Variants in GPR158 observed in about 807,000 individuals in gnomAD.
GPR158 encodes the protein metabotropic glycine receptor.
A neutral mutation model predicts 78.2 loss-of-function variants in GPR158; 30 were observed. The observed-to-expected ratio is 0.38, with a 90% CI of 0.29 to 0.52. The LOEUF is 0.52. Ranked by LOEUF, GPR158 falls within the 20% of genes least tolerant of loss-of-function variation. The probability of loss-of-function intolerance (pLI) is 0.83; values close to 1 mark genes in which losing one functional copy is unlikely to be tolerated. For missense variants in GPR158, 1,463 were observed against 1,523.5 expected, an observed-to-expected ratio of 0.96 and a Z score of 0.66; for synonymous variants, 581 against 591.1, an observed-to-expected ratio of 0.98 and a Z score of 0.25.
At chr10:25,514,573 A>C (rs112511787) in intron 5 of GPR158, among the ~76,000 whole-genome samples, 6,426 of 152,052 alleles carry the variant, frequency 0.042, 276 homozygotes, top group African/African-American at 0.11. Flanking sequence ...TTGTTGCCCG[A>C]ATACCTTCTT....
At chr10:25,426,578 G>A (rs1466054720) in intron 4 of GPR158, among the ~76,000 whole-genome samples, 1 of 152,044 alleles carries the variant, frequency 6.6e-6, no homozygotes, top group Middle Eastern at 3.2e-3. Flanking sequence ...ATGGGGAGAG[G>A]TACAGGAGAA....
intron 2 of GPR158, among the ~76,000 whole-genome samples, chr10:25,289,263 A>G (rs1193320359): frequency 6.6e-6 from 1 of 152,128 alleles, no homozygotes; most frequent in African/African-American, 2.4e-5. Flanking sequence ...TGGGTCTAGT[A>G]TAGGTATTGA....
At chr10:25,564,591 G>T (rs1174850853) in intron 6 of GPR158, among the ~76,000 whole-genome samples, 1 of 152,130 alleles carries the variant, frequency 6.6e-6, no homozygotes, top group African/African-American at 2.4e-5. Context: ...CACCAACCAG[G>T]CCAAAATAAA....
At chr10:25,509,645 C>T (rs1836057627) in intron 5 of GPR158, among the ~76,000 whole-genome samples, 3 of 152,172 alleles carry the variant, frequency 2.0e-5, no homozygotes, top group Non-Finnish European at 2.9e-5. Flanking sequence ...AAAACATGCC[C>T]ATGTTCAAAG....
intron 5 of GPR158, among the ~76,000 whole-genome samples, chr10:25,486,039 T>C (rs1047794943): frequency 2.6e-5 from 4 of 152,120 alleles, no homozygotes; most frequent in African/African-American, 4.8e-5. Context: ...TGAGCCCTTG[T>C]CAGACACCAA....
intron 2 of GPR158, among the ~76,000 whole-genome samples, chr10:25,329,523 G>A (rs982880450): frequency 2.6e-5 from 4 of 151,070 alleles, no homozygotes; most frequent in African/African-American, 7.3e-5. Flanking sequence ...TTTATGATTT[G>A]GATTTGTTAA....
chr10:25,486,756 G>A (rs190706577), intron 5 of GPR158, among the ~76,000 whole-genome samples: 4 of 151,862 alleles, frequency 2.6e-5, no homozygotes, highest in African/African-American at 9.7e-5. Context: ...ACTATATGTG[G>A]TAAAGGAATG....
rs551878677 is a variant in GPR158 at position 25,526,312 on chromosome 10, A to G, written c.1405-24664A>G. ...AAGGAACTGCACTAGGTAGGGGGCT[A>G]CATTACCTACTCTTTTGCAGAGGGC... On this transcript the variant is annotated intron_variant, in intron 5 of 10. Coordinates refer to ENST00000376351, the MANE Select transcript of GPR158 (RefSeq NM_020752.3). Among the ~76,000 whole-genome samples the G allele has an allele frequency of 1.3e-4, 20 of 152,284 alleles. No individual in the cohort carries two copies. In the South Asian group the frequency reaches 3.9e-3, roughly 30 times the overall value.
intron 1 of GPR158, among the ~76,000 whole-genome samples, chr10:25,205,274 CT>C (rs59202198): frequency 0.13 from 16,552 of 128,222 alleles, 1,026 homozygotes; most frequent in Admixed American, 0.18. Flanking sequence ...TGGATCTTCT[CT>C]TTTTTTTTTT....
At chr10:25,423,457 A>T (rs912239457) in intron 4 of GPR158, among the ~76,000 whole-genome samples, 1 of 151,564 alleles carries the variant, frequency 6.6e-6, no homozygotes. Flanking sequence ...TTACATCTGT[A>T]TACATGTGCC....
chr10:25,221,194 G>T, intron 2 of GPR158, 37 bp downstream of exon 2: 2 of 1,024,932 alleles, frequency 2.0e-6, no homozygotes, highest in Middle Eastern at 2.1e-4. Context: ...TTAAGCTCAG[G>T]AATACATTAT....
At chr10:25,338,821 G>T (rs1855263609) in intron 2 of GPR158, among the ~76,000 whole-genome samples, 1 of 150,852 alleles carries the variant, frequency 6.6e-6, no homozygotes, top group African/African-American at 2.4e-5. Flanking sequence ...CTGGAATTTT[G>T]ATTGGATTGC....
intron 1 of GPR158, among the ~76,000 whole-genome samples, chr10:25,189,282 G>A (rs1852735588): frequency 6.6e-6 from 1 of 152,136 alleles, no homozygotes. Flanking sequence ...TCCCATTACT[G>A]GGTATACGCC....
At chr10:25,211,064 G>C (rs1025785799) in intron 1 of GPR158, among the ~76,000 whole-genome samples, 1 of 151,970 alleles carries the variant, frequency 6.6e-6, no homozygotes, top group Non-Finnish European at 1.5e-5. Flanking sequence ...CCAGGGAGTC[G>C]GAGGTTGCAG....
chr10:25,303,833 T>G (rs943014454), intron 2 of GPR158, among the ~76,000 whole-genome samples: 6 of 152,230 alleles, frequency 3.9e-5, no homozygotes, highest in Non-Finnish European at 7.3e-5. Context: ...CCATATTATT[T>G]GCACAATTAT....
Position 25,412,337 on chromosome 10 carries a change from C to A in GPR158, c.1199C>A (p.Pro400His), listed in dbSNP as rs1231175944. ...TGCCTACCTTGCAGGGAGGGCTGCC[C>A]CTTCTGTGCTGATGACAGCCCATGC... Reference protein sequence around the residue: ...YVCLPCREGCPFCADDSPCFV... With the variant: ...YVCLPCREGCHFCADDSPCFV... The change falls in exon 4 of 11, where the codon CCC becomes CAC. Residue 400 changes from proline (P) to histidine (H), a missense_variant. Transcript: ENST00000376351. 1 of 1,613,610 alleles carries A rather than the reference C, an allele frequency of 6.2e-7. No individual in the cohort carries two copies. Among genetic ancestry groups the A allele is most frequent in the Admixed American group, 1.7e-5 (1 of 60,026 alleles).
At chr10:25,519,688 G>T (rs1836231191) in intron 5 of GPR158, among the ~76,000 whole-genome samples, 1 of 136,066 alleles carries the variant, frequency 7.3e-6, no homozygotes, top group Non-Finnish European at 1.5e-5. Context: ...CTTTAAGAAT[G>T]TTGAATATTG....
At chr10:25,547,215 A>G (rs1032631775) in intron 5 of GPR158, among the ~76,000 whole-genome samples, 2 of 151,926 alleles carry the variant, frequency 1.3e-5, no homozygotes, top group East Asian at 1.9e-4. Context: ...CCATAGCCCA[A>G]CCTATGCTCT....
chr10:25,570,106 G>A (rs1021075084), intron 6 of GPR158, among the ~76,000 whole-genome samples: 1 of 152,136 alleles, frequency 6.6e-6, no homozygotes, highest in African/African-American at 2.4e-5. Flanking sequence ...ACAAATATGT[G>A]TACATTATGA....
Sources: allele counts gnomAD v4.1 joint callset (sites outside exome capture counted in the v4.1 genomes callset), GRCh38; gene constraint gnomAD v4.1.1; transcripts MANE v1.5; gene names NCBI Gene and HGNC (gene_info 2026-07-23, HGNC 2026-07-21).